The following OVCA2 variants were observed in gnomAD, a reference collection of about 807,000 sequenced individuals.
OVCA2 encodes OVCA2 serine hydrolase domain containing.
In OVCA2, 14 loss-of-function variants were observed where a neutral mutation model predicts 10.1. The observed-to-expected ratio is 1.39, with a 90% CI of 0.92 to 2.17. The LOEUF is 2.17. OVCA2 is among the 30% of genes most tolerant of loss of function. The probability of loss-of-function intolerance (pLI) is 0.00; values close to 1 mark genes in which losing one functional copy is unlikely to be tolerated. For synonymous variants in OVCA2, 201 were observed against 134.1 expected (o/e 1.50, Z -3.45); for missense variants, 376 against 300.5 (o/e 1.25, Z -1.86).
chr17:2,043,192 G>A lies in OVCA2; in HGVS notation c.*88G>A, dbSNP rs867338899. ...GCCCTCCCAGGACCCTCCACTCACTGCTGTGAGTGCGCCTCACCAGAACCA... is the reference window on the plus strand; with the variant it reads ...GCCCTCCCAGGACCCTCCACTCACTACTGTGAGTGCGCCTCACCAGAACCA... On this transcript the variant is annotated 3_prime_UTR_variant, in exon 2 of 2. Coordinates refer to ENST00000572195, the MANE Select transcript of OVCA2 (RefSeq NM_080822.3). The A allele has an allele frequency of 8.9e-6, 13 of 1,453,366 alleles. No individual in the cohort carries two copies. The highest frequency in any genetic ancestry group is 1.2e-5 in the Non-Finnish European group (13 of 1,075,092). 90.0% of individuals were successfully genotyped at this position (1,453,366 alleles called of 1,614,324 possible).
intron 1 of OVCA2, 118 bp from the exon 2 acceptor site, chr17:2,042,487 T>G (rs1033329451): frequency 7.1e-7 from 1 of 1,406,820 alleles, no homozygotes; most frequent in Admixed American, 2.7e-5. Flanking sequence ...TCCCCCAGAC[T>G]TTTGCCTCGA....
At position 2,042,070 on chromosome 17, in the gene OVCA2, G is replaced by C; in HGVS notation, c.23G>C (p.Arg8Pro). 1.3e-6 allele frequency: 2 copies of C among 1,557,350 alleles called. No individual in the cohort carries two copies. The highest frequency in any genetic ancestry group is 1.2e-5 in the South Asian group (1 of 86,388). The change falls in exon 1 of 2, where the codon CGG becomes CCG. Residue 8 changes from arginine (R) to proline (P), a missense_variant. Physicochemically the swap from Arg to Pro is moderately radical, Grantham distance 103. Transcript: ENST00000572195. ...ATAATGGCCGCGCAGCGACCCCTGC[G>C]GGTCCTGTGCCTGGCGGGCTTCCGG... Reference protein sequence around the residue: MAAQRPLRVLCLAGFRQS... With the variant: MAAQRPLPVLCLAGFRQS...
Position 2,042,085 on chromosome 17 carries a change from C to T in OVCA2, c.38C>T (p.Ala13Val). Residue 13 changes from alanine to valine, a missense_variant, in exon 1 of 2, where the codon GCG becomes GTG. Ala to Val is a moderately conservative substitution (Grantham distance 64, BLOSUM62 0). Coordinates refer to ENST00000572195, the MANE Select transcript of OVCA2 (RefSeq NM_080822.3). ...CGACCCCTGCGGGTCCTGTGCCTGGCGGGCTTCCGGCAGAGCGAGCGGGGC... is the reference window on the plus strand; with the variant it reads ...CGACCCCTGCGGGTCCTGTGCCTGGTGGGCTTCCGGCAGAGCGAGCGGGGC... ...AQRPLRVLCL[A>V]GFRQSERGFR... is the part of the protein sequence containing the mutation. The T allele has an allele frequency of 1.9e-6, 3 of 1,565,222 alleles. No individual in the cohort carries two copies. The highest frequency in any genetic ancestry group is 1.8e-5 in the Admixed American group (1 of 55,502).
chr17:2,043,052 C>T lies in OVCA2; in HGVS notation c.632C>T (p.Ala211Val), dbSNP rs1433633343. The T allele has an allele frequency of 6.2e-7, 1 of 1,614,052 alleles. No homozygotes were observed. Among genetic ancestry groups the T allele is most frequent in the South Asian group, 1.1e-5 (1 of 91,084 alleles). The change falls in exon 2 of 2, where the codon GCT becomes GTT. Residue 211 changes from alanine to valine, a missense_variant. Transcript: ENST00000572195. ...THSGGHFIPA[A>V]APQRQAYLKF... ...TCTGGTGGCCACTTCATTCCAGCAGCTGCACCCCAGCGTCAGGCCTACCTC... is the reference window on the plus strand; with the variant it reads ...TCTGGTGGCCACTTCATTCCAGCAGTTGCACCCCAGCGTCAGGCCTACCTC...
chr17:2,042,554 C>T lies in OVCA2; in HGVS notation c.185-51C>T, dbSNP rs987979228. 5.4e-6 allele frequency: 8 copies of T among 1,486,046 alleles called. No homozygotes were observed. The African/African-American group carries it at 5.6e-5, about 10-fold the overall frequency. The allele number at this position is 1,486,046 out of a possible 1,614,324, so 92.1% of individuals were successfully genotyped here. A position where few individuals can be genotyped will look rare whatever the true frequency, so the allele number is the denominator to read the frequency against. ...CCTGCCCTTTCTCATTTCTTTCCTT[C>T]CTGGAGCCTCCCATGCCCTAATCCC... On this transcript the variant is annotated intron_variant, in intron 1 of 1. Transcript: ENST00000572195.
Position 2,042,085 on chromosome 17 carries a change from C to A in OVCA2, c.38C>A (p.Ala13Glu), listed in dbSNP as rs759602658. Reference sequence around the variant, plus strand: ...CGACCCCTGCGGGTCCTGTGCCTGGCGGGCTTCCGGCAGAGCGAGCGGGGC... The same window carrying A: ...CGACCCCTGCGGGTCCTGTGCCTGGAGGGCTTCCGGCAGAGCGAGCGGGGC... Reference protein sequence around the residue: ...AQRPLRVLCLAGFRQSERGFR... With the variant: ...AQRPLRVLCLEGFRQSERGFR... Residue 13 changes from alanine to glutamate, a missense_variant, in exon 1 of 2, where the codon GCG (alanine) becomes GAG (glutamate). By Grantham distance (107) the Ala-to-Glu change is moderately radical. Coordinates refer to ENST00000572195, the MANE Select transcript of OVCA2 (RefSeq NM_080822.3). The A allele has an allele frequency of 7.0e-6, 11 of 1,565,222 alleles. No individual in the cohort carries two copies. The highest frequency in any genetic ancestry group is 3.4e-6 in the Non-Finnish European group (4 of 1,165,048).
At position 2,043,131 on chromosome 17, in the gene OVCA2, C is replaced by T. The variant is rs1597292951; in HGVS notation, c.*27C>T. ...AGATCAAGAAATGTCTCTGCTCCTA[C>T]ATCCAGCTCCTCTAGGGGCAGCCTC... On this transcript the variant is annotated 3_prime_UTR_variant, in exon 2 of 2. Transcript: ENST00000572195. The T allele has an allele frequency of 6.2e-7, 1 of 1,603,210 alleles. No homozygotes were observed. Among genetic ancestry groups the T allele is most frequent in the Admixed American group, 1.7e-5 (1 of 59,760 alleles).
chr17:2,043,240 T>C lies in OVCA2; in HGVS notation c.*136T>C. 9.1e-7 allele frequency: 1 copy of C among 1,099,390 alleles called. No individual in the cohort carries two copies. Among genetic ancestry groups the C allele is most frequent in the Non-Finnish European group, 1.3e-6 (1 of 774,882 alleles). 68.1% of individuals were successfully genotyped at this position (1,099,390 alleles called of 1,614,324 possible). A position where few individuals can be genotyped will look rare whatever the true frequency, so the allele number is the denominator to read the frequency against. ...CCAGTTAAGAGACAACTATCAATTCTTGAGACCCAAATTATAAGGGCCCTG... is the reference window on the plus strand; with the variant it reads ...CCAGTTAAGAGACAACTATCAATTCCTGAGACCCAAATTATAAGGGCCCTG... On this transcript the variant is annotated 3_prime_UTR_variant, in exon 2 of 2. Transcript: ENST00000572195.
Position 2,042,229 on chromosome 17 carries a change from T to G in OVCA2, c.182T>G (p.Phe61Cys). 7.0e-7 allele frequency: 1 copy of G among 1,422,912 alleles called. No homozygotes were observed. The highest frequency in any genetic ancestry group is 1.5e-5 in the South Asian group (1 of 67,792). The allele number at this position is 1,422,912 out of a possible 1,614,324, so 88.1% of individuals were successfully genotyped here. The change falls in exon 1 of 2, where the codon TTC becomes TGC. Residue 61 changes from phenylalanine (F) to cysteine (C), a missense_variant and splice_region_variant. Coordinates refer to ENST00000572195, the MANE Select transcript of OVCA2 (RefSeq NM_080822.3). The stretch of plus-strand genomic sequence containing the variant: ...GGCCCCGAGGGCGCCAGATCAGACT[T>G]CGGTGAGACAAGCCCCGCTCCGGAA... The part of the protein sequence containing the change: ...PPGPEGARSD[F>C]GSCPPEEQPR...
At position 2,043,244 on chromosome 17, in the gene OVCA2, G is replaced by A; in HGVS notation, c.*140G>A. 2 of 1,072,004 alleles carry A rather than the reference G, an allele frequency of 1.9e-6. No individual in the cohort carries two copies. The highest frequency in any genetic ancestry group is 1.3e-6 in the Non-Finnish European group (1 of 751,524). 66.4% of individuals were successfully genotyped at this position (1,072,004 alleles called of 1,614,324 possible). On this transcript the variant is annotated 3_prime_UTR_variant, in exon 2 of 2. Transcript: ENST00000572195. ...TTAAGAGACAACTATCAATTCTTGA[G>A]ACCCAAATTATAAGGGCCCTGCCCT... is the stretch of plus-strand genomic sequence containing the variant.
Position 2,043,139 on chromosome 17 carries a change from T to A in OVCA2, c.*35T>A. Reference sequence around the variant, plus strand: ...AAATGTCTCTGCTCCTACATCCAGCTCCTCTAGGGGCAGCCTCCGTCATCC... The same window carrying A: ...AAATGTCTCTGCTCCTACATCCAGCACCTCTAGGGGCAGCCTCCGTCATCC... On this transcript the variant is annotated 3_prime_UTR_variant, in exon 2 of 2. Coordinates refer to ENST00000572195, the MANE Select transcript of OVCA2 (RefSeq NM_080822.3). 6.3e-7 allele frequency: 1 copy of A among 1,597,144 alleles called. No homozygotes were observed. Among genetic ancestry groups the A allele is most frequent in the South Asian group, 1.1e-5 (1 of 89,396 alleles).
rs1475765921 is a variant in OVCA2, at chr17:2,042,881, G to A, written c.461G>A (p.Arg154Gln). 10 of 1,614,138 alleles carry A rather than the reference G, an allele frequency of 6.2e-6. 1 individual carries two copies. The highest frequency in any genetic ancestry group is 5.5e-5 in the South Asian group (5 of 91,090). The change falls in exon 2 of 2, where the codon CGG becomes CAG. Residue 154 changes from arginine to glutamine, a missense_variant. Transcript: ENST00000572195. ...FILLVSGFCP[R>Q]GIGFKESILQ... ...CTCTTGGTGTCTGGTTTCTGTCCCC[G>A]GGGCATTGGGTTCAAGGAATCCATC...
chr17:2,042,450 C>A, intron 1 of OVCA2, 155 bp from the exon 2 acceptor site: 2 of 1,292,154 alleles, frequency 1.5e-6, no homozygotes, highest in Non-Finnish European at 2.0e-6. Flanking sequence ...CTGTTCAGGC[C>A]AATCCACTCA....
Position 2,042,598 on chromosome 17 carries a change from G to A in OVCA2, c.185-7G>A. On this transcript the variant is annotated splice_polypyrimidine_tract_variant and splice_region_variant and intron_variant, in intron 1 of 1. Transcript: ENST00000572195. ...TAATCCCATCCTTTTTCCTCATATC[G>A]CTGTAGGGTCCTGCCCTCCGGAGGA... 3 of 1,509,376 alleles carry A rather than the reference G, an allele frequency of 2.0e-6. No individual in the cohort carries two copies. Among genetic ancestry groups the A allele is most frequent in the Non-Finnish European group, 2.7e-6 (3 of 1,130,988 alleles). The allele number at this position is 1,509,376 out of a possible 1,614,324, so 93.5% of individuals were successfully genotyped here. A position where few individuals can be genotyped will look rare whatever the true frequency, so the allele number is the denominator to read the frequency against.
Position 2,042,053 on chromosome 17 carries a change from C to A in OVCA2, c.6C>A (p.Ala2=), listed in dbSNP as rs201424118. 4.3e-3 allele frequency: 6,558 copies of A among 1,529,252 alleles called. 306 individuals are homozygous for A. In the South Asian group the frequency reaches 0.074, roughly 17 times the overall value. The allele number at this position is 1,529,252 out of a possible 1,614,324, so 94.7% of individuals were successfully genotyped here. Residue 2 remains alanine (A), a synonymous_variant, in exon 1 of 2, where the codon GCC becomes GCA. Coordinates refer to ENST00000572195, the MANE Select transcript of OVCA2 (RefSeq NM_080822.3). The stretch of plus-strand genomic sequence containing the variant: ...GTCGCTCCTTGCCGGGCATAATGGC[C>A]GCGCAGCGACCCCTGCGGGTCCTGT... The part of the protein sequence containing the change: M[A]AQRPLRVLCL...
Position 2,042,977 on chromosome 17 carries a change from A to G in OVCA2, c.557A>G (p.Glu186Gly). The G allele has an allele frequency of 7.4e-6, 12 of 1,614,088 alleles. No homozygotes were observed. The highest frequency in any genetic ancestry group is 9.3e-6 in the Non-Finnish European group (11 of 1,180,032). ...GDTDKVIPSQ[E>G]SVQLASQFPG... ...ACTGACAAAGTCATCCCCTCTCAGG[A>G]GAGTGTGCAACTGGCCAGCCAATTT... Residue 186 changes from glutamate to glycine, a missense_variant, in exon 2 of 2, where the codon GAG becomes GGG. Coordinates refer to ENST00000572195, the MANE Select transcript of OVCA2 (RefSeq NM_080822.3).
rs775333931 is a variant in OVCA2, at chr17:2,043,042, A to T, written c.622A>T (p.Ile208Phe). 3 of 1,613,978 alleles carry T rather than the reference A, an allele frequency of 1.9e-6. No individual in the cohort carries two copies. The Admixed American group carries it at 5.0e-5, about 27-fold the overall frequency. Reference protein sequence around the residue: ...ITLTHSGGHFIPAAAPQRQAY... With the variant: ...ITLTHSGGHFFPAAAPQRQAY... ...CCTCACCCACTCTGGTGGCCACTTC[A>T]TTCCAGCAGCTGCACCCCAGCGTCA... is the stretch of plus-strand genomic sequence containing the variant. Residue 208 changes from isoleucine (I) to phenylalanine (F), a missense_variant, in exon 2 of 2, where the codon ATT becomes TTT. Physicochemically the swap from Ile to Phe is conservative, Grantham distance 21. Transcript: ENST00000572195.
Position 2,043,242 on chromosome 17 carries a change from G to A in OVCA2, c.*138G>A. On this transcript the variant is annotated 3_prime_UTR_variant, in exon 2 of 2. Coordinates refer to ENST00000572195, the MANE Select transcript of OVCA2 (RefSeq NM_080822.3). ...AGTTAAGAGACAACTATCAATTCTTGAGACCCAAATTATAAGGGCCCTGCC... is the reference window on the plus strand; with the variant it reads ...AGTTAAGAGACAACTATCAATTCTTAAGACCCAAATTATAAGGGCCCTGCC... 9.2e-7 allele frequency: 1 copy of A among 1,091,972 alleles called. No individual in the cohort carries two copies. The highest frequency in any genetic ancestry group is 1.6e-5 in the South Asian group (1 of 64,188). The allele number at this position is 1,091,972 out of a possible 1,614,324, so 67.6% of individuals were successfully genotyped here.
rs1402741587 is a variant in OVCA2 at position 2,043,050 on chromosome 17, A to G, written c.630A>G (p.Ala210=). 3 of 1,613,910 alleles carry G rather than the reference A, an allele frequency of 1.9e-6. No homozygotes were observed. The highest frequency in any genetic ancestry group is 2.2e-5 in the East Asian group (1 of 44,892). The change falls in exon 2 of 2, where the codon GCA becomes GCG. Residue 210 remains alanine, a synonymous_variant. Transcript: ENST00000572195. The part of the protein sequence containing the change: ...LTHSGGHFIP[A]AAPQRQAYLK... ...ACTCTGGTGGCCACTTCATTCCAGC[A>G]GCTGCACCCCAGCGTCAGGCCTACC...
Sources: allele counts gnomAD v4.1 joint callset, GRCh38; gene constraint gnomAD v4.1.1; transcripts MANE v1.5; gene names NCBI Gene and HGNC (gene_info 2026-07-23, HGNC 2026-07-21).